The following SEMA3A variants were observed in gnomAD, a reference collection of about 807,000 sequenced individuals.
SEMA3A encodes the protein semaphorin 3A.
SEMA3A carries 29 observed loss-of-function variants against 97.9 expected under a neutral mutation model. That is an observed-to-expected ratio of 0.30 (90% CI 0.22 to 0.40). The LOEUF (loss-of-function observed/expected upper bound fraction) is 0.40, where lower values mean the gene tolerates loss of function less well. SEMA3A is among the 10% of genes least tolerant of loss of function. The pLI is 1.00. For synonymous variants in SEMA3A, 321 were observed against 323.7 expected (o/e 0.99, Z 0.09); for missense variants, 763 against 951.3 (o/e 0.80, Z 2.60).
intron 4 of SEMA3A, among the ~76,000 whole-genome samples, chr7:84,101,793 G>A (rs1031890133): frequency 6.6e-6 from 1 of 151,920 alleles, no homozygotes; most frequent in Non-Finnish European, 1.5e-5. Context: ...TGTCCTATAC[G>A]GGAGCTACTA....
intron 3 of SEMA3A, among the ~76,000 whole-genome samples, chr7:84,265,457 T>C (rs1799967027): frequency 6.8e-6 from 1 of 147,408 alleles, no homozygotes; most frequent in African/African-American, 2.5e-5. Context: ...ATATAATATA[T>C]TATACAAGAT....
chr7:84,239,652 A>C (rs1414119895), intron 3 of SEMA3A, among the ~76,000 whole-genome samples: 2 of 152,188 alleles, frequency 1.3e-5, no homozygotes, highest in Admixed American at 1.3e-4. Flanking sequence ...GATCGTAAAA[A>C]AACAACTGTA....
chr7:84,051,385 T>G (rs1792642188), intron 5 of SEMA3A, among the ~76,000 whole-genome samples: 1 of 152,228 alleles, frequency 6.6e-6, no homozygotes, highest in Non-Finnish European at 1.5e-5. Flanking sequence ...TTTTATTTCC[T>G]TGAGCAGTGA....
upstream of SEMA3A, among the ~76,000 whole-genome samples, chr7:84,197,992 C>T (rs529806129): frequency 7.9e-5 from 12 of 152,000 alleles, no homozygotes; most frequent in South Asian, 8.3e-4. Context: ...TGCCGGCCTC[C>T]GCCTCCCATA....
chr7:84,045,390 G>T (rs1414254912), intron 6 of SEMA3A, among the ~76,000 whole-genome samples: 3 of 151,712 alleles, frequency 2.0e-5, no homozygotes, highest in African/African-American at 7.3e-5. Flanking sequence ...ATTGGAGATT[G>T]GGTGGCTTTA....
At chr7:84,452,509 ATATG>A (rs763834446) in intron 1 of SEMA3A, among the ~76,000 whole-genome samples, 1 of 152,220 alleles carries the variant, frequency 6.6e-6, no homozygotes, top group Admixed American at 6.5e-5. Context: ...CCAAGATAAT[ATATG>A]GTGGCATGAT....
chr7:84,291,049 T>C (rs1216105290), intron 3 of SEMA3A, among the ~76,000 whole-genome samples: 1 of 152,114 alleles, frequency 6.6e-6, no homozygotes, highest in African/African-American at 2.4e-5. Context: ...TTAGATTGTA[T>C]ACCACATATT....
At chr7:84,485,117 A>T (rs1806542992) in intron 1 of SEMA3A, among the ~76,000 whole-genome samples, 1 of 152,180 alleles carries the variant, frequency 6.6e-6, no homozygotes. Context: ...AAGCCACATG[A>T]CCATAGTAGT....
In SEMA3A at chr7:83,956,502, A is replaced by C. The variant is rs1425115839; in HGVS notation, c.*4869T>G. On this transcript the variant is annotated 3_prime_UTR_variant, in exon 17 of 17. Coordinates refer to ENST00000265362, the MANE Select transcript of SEMA3A (RefSeq NM_006080.3). Reference sequence around the variant, plus strand: ...GGTTGTGGGAACACTGTCTAGTGCTATGACTTTAGCTGAGTAAAGATAAAT... The same window carrying C: ...GGTTGTGGGAACACTGTCTAGTGCTCTGACTTTAGCTGAGTAAAGATAAAT... 6.6e-6 allele frequency: 1 copy of C among 152,188 alleles called. No individual in the cohort carries two copies. The highest frequency in any genetic ancestry group is 2.4e-5 in the African/African-American group (1 of 41,426). The allele number at this position is 152,188 out of a possible 1,614,324, so 9.4% of individuals were successfully genotyped here. A position where few individuals can be genotyped will look rare whatever the true frequency, so the allele number is the denominator to read the frequency against.
chr7:83,990,702 T>A (rs994257131), intron 12 of SEMA3A, among the ~76,000 whole-genome samples: 3 of 123,540 alleles, frequency 2.4e-5, no homozygotes, highest in African/African-American at 9.0e-5. Flanking sequence ...ACCAGTACCA[T>A]GCTGTTTTGG....
intron 3 of SEMA3A, among the ~76,000 whole-genome samples, chr7:84,301,374 G>C (rs918081176): frequency 1.3e-5 from 2 of 151,980 alleles, no homozygotes; most frequent in Non-Finnish European, 2.9e-5. Flanking sequence ...TGCATAAAGT[G>C]CTCCTATAAT....
At chr7:84,255,260 T>C (rs1441249631) in intron 3 of SEMA3A, among the ~76,000 whole-genome samples, 1 of 152,212 alleles carries the variant, frequency 6.6e-6, no homozygotes. Flanking sequence ...GCTGCGTATA[T>C]ATTATCTCTG....
In SEMA3A at chr7:83,981,413, G is replaced by A. The variant is rs771077834; in HGVS notation, c.1560C>T (p.Tyr520=). The stretch of plus-strand genomic sequence containing the variant: ...GGCAACACTCAGCACACGCTTTCCC[G>A]TAAATATCACACCGGTGTAAAGGGA... ...AQLPLHRCDI[Y]GKACAECCLA... The change falls in exon 14 of 17, where the codon TAC becomes TAT. Residue 520 remains tyrosine, a synonymous_variant. Transcript: ENST00000265362. 4.6e-5 allele frequency: 74 copies of A among 1,613,592 alleles called. No individual in the cohort carries two copies. The African/African-American group carries it at 5.9e-4, about 13-fold the overall frequency.
chr7:84,445,268 G>A (rs1485542552), intron 1 of SEMA3A, among the ~76,000 whole-genome samples: 1 of 151,586 alleles, frequency 6.6e-6, no homozygotes, highest in African/African-American at 2.4e-5. Context: ...GAGGCGGGCG[G>A]ATCACGAGTT....
chr7:84,024,680 A>G (rs1251240684), intron 6 of SEMA3A, among the ~76,000 whole-genome samples: 1 of 152,218 alleles, frequency 6.6e-6, no homozygotes, highest in Non-Finnish European at 1.5e-5. Context: ...ACATCTATCT[A>G]TCTGCCAATG....
rs115807388 is a variant in SEMA3A at position 84,019,137 on chromosome 7, T to G, written c.668-4786A>C. Among the ~76,000 whole-genome samples the G allele has an allele frequency of 3.1e-3, 464 of 152,000 alleles. 2 individuals carry two copies. Among genetic ancestry groups the G allele is most frequent in the African/African-American group, 0.01 (432 of 41,468 alleles). ...TTGATAATATGTCGAATGTAAGAAA[T>G]AGTGAGAAAAATCATAAAAAAGAAA... On this transcript the variant is annotated intron_variant, in intron 6 of 16. Coordinates refer to ENST00000265362, the MANE Select transcript of SEMA3A (RefSeq NM_006080.3).
At chr7:84,269,398 A>C (rs929709183) in intron 3 of SEMA3A, among the ~76,000 whole-genome samples, 6 of 152,226 alleles carry the variant, frequency 3.9e-5, no homozygotes, top group Non-Finnish European at 7.4e-5. Flanking sequence ...AAACTGGGCC[A>C]TGTGAACTGA....
chr7:84,276,429 T>C (rs1018395231), intron 3 of SEMA3A, among the ~76,000 whole-genome samples: 1 of 152,080 alleles, frequency 6.6e-6, no homozygotes, highest in Non-Finnish European at 1.5e-5. Context: ...ATAGCATATG[T>C]TTTTCTTCAA....
chr7:84,253,795 G>A (rs1301484915), intron 3 of SEMA3A, among the ~76,000 whole-genome samples: 2 of 152,102 alleles, frequency 1.3e-5, no homozygotes, highest in South Asian at 2.1e-4. Flanking sequence ...GAATCTCTGG[G>A]CAGCATTAGG....
Sources: gnomAD v4.1 joint callset for allele counts (sites outside exome capture counted in the v4.1 genomes callset) on GRCh38, gnomAD v4.1.1 for gene constraint, MANE v1.5 for transcripts, NCBI Gene and HGNC (gene_info 2026-07-23, HGNC 2026-07-21) for gene names.